The following KHDRBS2 variants were observed in gnomAD, a reference collection of about 807,000 sequenced individuals.
KHDRBS2 encodes the protein KH domain-containing, RNA-binding, signal transduction-associated protein 2.
A neutral mutation model predicts 44.3 loss-of-function variants in KHDRBS2; 26 were observed. That is an observed-to-expected ratio of 0.59 (90% CI 0.43 to 0.81). The LOEUF (loss-of-function observed/expected upper bound fraction) is 0.81, where lower values mean the gene tolerates loss of function less well. KHDRBS2 is among the 40% of genes least tolerant of loss of function. The probability of loss-of-function intolerance (pLI) is 0.00; values close to 1 mark genes in which losing one functional copy is unlikely to be tolerated. For synonymous variants in KHDRBS2, 194 were observed against 151.1 expected (o/e 1.28, Z -2.08); for missense variants, 476 against 433.1 (o/e 1.10, Z -0.88).
chr6:61,864,693 C>T (rs1358131124), intron 6 of KHDRBS2, among the ~76,000 whole-genome samples: 1 of 152,138 alleles, frequency 6.6e-6, no homozygotes, highest in Non-Finnish European at 1.5e-5. Flanking sequence ...CTGCCCTTAA[C>T]ATTTTTTCTG....
intron 6 of KHDRBS2, among the ~76,000 whole-genome samples, chr6:61,738,880 A>T (rs999092092): frequency 2.6e-5 from 4 of 151,926 alleles, no homozygotes; most frequent in Non-Finnish European, 4.4e-5. Flanking sequence ...GTAATTCATC[A>T]GATGTTATAT....
chr6:62,259,703 T>C (rs1838016694), intron 1 of KHDRBS2, among the ~76,000 whole-genome samples: 1 of 151,984 alleles, frequency 6.6e-6, no homozygotes, highest in Non-Finnish European at 1.5e-5. Flanking sequence ...TTTATGATAA[T>C]TTTTGTGATA....
intron 4 of KHDRBS2, among the ~76,000 whole-genome samples, chr6:61,912,574 C>G (rs1806242393): frequency 6.6e-6 from 1 of 152,140 alleles, no homozygotes; most frequent in Non-Finnish European, 1.5e-5. Flanking sequence ...GTTCTTTGCT[C>G]TAGTGGGCCC....
At chr6:61,744,105 A>C (rs1227246374) in intron 6 of KHDRBS2, among the ~76,000 whole-genome samples, 1 of 152,066 alleles carries the variant, frequency 6.6e-6, no homozygotes, top group African/African-American at 2.4e-5. Flanking sequence ...TGAGAATATA[A>C]AATGTAAAGA....
the KHDRBS2 span, among the ~76,000 whole-genome samples, chr6:61,598,077 C>T: frequency 4.0e-5 from 6 of 150,504 alleles, no homozygotes; most frequent in Non-Finnish European, 7.4e-5. Flanking sequence ...CAGTGTCTCC[C>T]CCACCTCCAC....
rs1245445172 is a variant in KHDRBS2, at chr6:62,003,546, A to G, written c.337-25334T>C. On this transcript the variant is annotated intron_variant, in intron 3 of 8. Coordinates refer to ENST00000281156, the MANE Select transcript of KHDRBS2 (RefSeq NM_152688.4). The stretch of plus-strand genomic sequence containing the variant: ...TCCTTAGAGACCTACAAAGAGACTT[A>G]GACTCCACACAATAATGATGACAGA... Among the ~76,000 whole-genome samples, 4 of 152,114 alleles carry G rather than the reference A, an allele frequency of 2.6e-5. No homozygotes were observed. In the East Asian group the frequency reaches 7.7e-4, roughly 29 times the overall value.
intron 4 of KHDRBS2, among the ~76,000 whole-genome samples, chr6:61,955,056 G>A (rs1304546324): frequency 7.0e-6 from 1 of 142,942 alleles, no homozygotes; most frequent in South Asian, 2.2e-4. Flanking sequence ...ATACATATAT[G>A]TATGTATACA....
At chr6:61,566,300 T>C in the KHDRBS2 span, among the ~76,000 whole-genome samples, 1 of 152,056 alleles carries the variant, frequency 6.6e-6, no homozygotes, top group Admixed American at 6.6e-5. Context: ...AGTTAGATAG[T>C]AGGAGTGAGA....
chr6:61,771,285 G>T (rs1467187481), intron 6 of KHDRBS2, among the ~76,000 whole-genome samples: 1 of 152,086 alleles, frequency 6.6e-6, no homozygotes, highest in African/African-American at 2.4e-5. Context: ...CAACTAATGA[G>T]CAAAATAACC....
intron 3 of KHDRBS2, among the ~76,000 whole-genome samples, chr6:62,034,436 A>G (rs1784890125): frequency 6.6e-6 from 1 of 151,936 alleles, no homozygotes; most frequent in Admixed American, 6.6e-5. Flanking sequence ...ATACTAGCAA[A>G]CCAAATTCAA....
intron 2 of KHDRBS2, among the ~76,000 whole-genome samples, chr6:62,105,852 T>C (rs1803112894): frequency 1.3e-5 from 2 of 152,206 alleles, no homozygotes; most frequent in South Asian, 4.1e-4. Context: ...CTTTTCGAGT[T>C]CTTTTAATTG....
At chr6:61,577,047 C>A in the KHDRBS2 span, among the ~76,000 whole-genome samples, 1 of 151,764 alleles carries the variant, frequency 6.6e-6, no homozygotes, top group Non-Finnish European at 1.5e-5. Context: ...TGGGTAGAAT[C>A]TTATGTAATT....
chr6:61,801,907 A>G (rs988156960), intron 6 of KHDRBS2, among the ~76,000 whole-genome samples: 1 of 152,178 alleles, frequency 6.6e-6, no homozygotes, highest in Non-Finnish European at 1.5e-5. Context: ...TGACCTTAAG[A>G]TAGAGGATTA....
In KHDRBS2 at chr6:62,128,669, A is replaced by ATT. The variant is rs35370798; in HGVS notation, c.219+48514_219+48515dup. 1.6e-3 allele frequency among the ~76,000 whole-genome samples: 238 copies of ATT among 150,678 alleles called. 1 individual carries two copies. Among genetic ancestry groups the ATT allele is most frequent in the African/African-American group, 4.9e-3 (202 of 41,134 alleles). On this transcript the variant is annotated intron_variant, in intron 2 of 8. Coordinates refer to ENST00000281156, the MANE Select transcript of KHDRBS2 (RefSeq NM_152688.4). ...TCTGTTAGATAAGTCAACTGCTTTAATTTTTTTTTGTTCAGCTTGATAAAT... is the reference window on the plus strand; with the variant it reads ...TCTGTTAGATAAGTCAACTGCTTTAATTTTTTTTTTTGTTCAGCTTGATAAAT...
At chr6:61,969,810 A>G (rs1188167486) in intron 4 of KHDRBS2, among the ~76,000 whole-genome samples, 1 of 152,016 alleles carries the variant, frequency 6.6e-6, no homozygotes, top group Non-Finnish European at 1.5e-5. Flanking sequence ...TTGTGTATTC[A>G]AATTTTATTC....
At chr6:62,118,250 C>A (rs80355644) in intron 2 of KHDRBS2, among the ~76,000 whole-genome samples, 1 of 152,078 alleles carries the variant, frequency 6.6e-6, no homozygotes, top group Non-Finnish European at 1.5e-5. Flanking sequence ...TTCCATTGTT[C>A]TATGTGTCTG....
chr6:61,761,231 G>A (rs755096100), intron 6 of KHDRBS2, among the ~76,000 whole-genome samples: 1 of 152,192 alleles, frequency 6.6e-6, no homozygotes, highest in Non-Finnish European at 1.5e-5. Context: ...GAAAGGTGTT[G>A]TCAGTCATAC....
chr6:61,690,317 T>A (rs1354126775), intron 8 of KHDRBS2, among the ~76,000 whole-genome samples: 16 of 152,008 alleles, frequency 1.1e-4, no homozygotes, highest in Non-Finnish European at 2.2e-4. Context: ...TATAAATCTA[T>A]ATCCTATTGA....
At position 61,890,111 on chromosome 6, in the gene KHDRBS2, C is replaced by T. The variant is rs75569724; in HGVS notation, c.810+4524G>A. ...TATGTTTATTTTCTGTCTCTTCCCA[C>T]TAAAATATAAGCTTTATGAAAGCAG... On this transcript the variant is annotated intron_variant, in intron 6 of 8. Transcript: ENST00000281156. Among the ~76,000 whole-genome samples, 35 of 152,222 alleles carry T rather than the reference C, an allele frequency of 2.3e-4. No individual in the cohort carries two copies. The East Asian group carries it at 5.6e-3, about 24-fold the overall frequency.
Sources: allele counts gnomAD v4.1 joint callset (sites outside exome capture counted in the v4.1 genomes callset), GRCh38; gene constraint gnomAD v4.1.1; transcripts MANE v1.5; gene names NCBI Gene and HGNC (gene_info 2026-07-23, HGNC 2026-07-21).